SLC12A2: variants seen among roughly 807,000 people sequenced by gnomAD.
The protein encoded by SLC12A2 is solute carrier family 12 member 2, also known as Na-K-2Cl cotransporter 1.
SLC12A2 carries 67 observed loss-of-function variants against 136.3 expected under a neutral mutation model. The ratio of observed to expected loss-of-function variants is 0.49; its 90% CI spans 0.40 to 0.60. The LOEUF is 0.60. SLC12A2 is among the 20% of genes least tolerant of loss of function. SLC12A2 has a pLI of 0.00. For missense variants in SLC12A2, 1,322 were observed against 1,534.7 expected (o/e 0.86, Z 2.32); for synonymous variants, 619 against 562.9 (o/e 1.10, Z -1.41).
intron 22 of SLC12A2, 95 bp downstream of exon 22, chr5:128,178,784 CA>C: frequency 2.2e-6 from 2 of 923,246 alleles, no homozygotes; most frequent in South Asian, 3.1e-5. Context: ...GGACCCCATT[CA>C]AATTTTGCCA....
At position 128,088,571 on chromosome 5, in the gene SLC12A2, GTGTGTTTTACTATTT is replaced by G. The variant is rs951162658; in HGVS notation, c.756+3879_756+3893del. Among the ~76,000 whole-genome samples the G allele has an allele frequency of 1.5e-4, 23 of 152,154 alleles. No individual in the cohort carries two copies. In the East Asian group the frequency reaches 2.3e-3, roughly 15 times the overall value. On this transcript the variant is annotated intron_variant, in intron 1 of 26. Transcript: ENST00000262461. ...GTTTTTGTTTGTTTGTTTTTTGTGT[GTGTGTTTTACTATTT>G]TGTGTTTTACTATTTTGACTGCTAA...
chr5:128,138,638 G>C lies in SLC12A2; in HGVS notation c.1450G>C (p.Glu484Gln), dbSNP rs903124390. The C allele has an allele frequency of 6.8e-6, 11 of 1,613,194 alleles. No individual in the cohort carries two copies. The Middle Eastern group carries it at 4.9e-4, about 72-fold the overall frequency. Residue 484 changes from glutamate (E) to glutamine (Q), a missense_variant, in exon 8 of 27, where the codon GAA becomes CAA. Transcript: ENST00000262461. ...NENFGPDFRE[E>Q]ETFFSVFAIF... ...GAACTTTGGGCCCGATTTTCGAGAG[G>C]AAGAGACTTTCTTTTCTGTATTTGC...
At chr5:128,125,279 G>T (rs1031619049) in intron 4 of SLC12A2, among the ~76,000 whole-genome samples, 1 of 152,160 alleles carries the variant, frequency 6.6e-6, no homozygotes, top group Non-Finnish European at 1.5e-5. Flanking sequence ...CTGAATCTCA[G>T]CCTTACTGCG....
At chr5:128,110,732 T>C in intron 1 of SLC12A2, 1 of 1,456,418 alleles carries the variant, frequency 6.9e-7, no homozygotes, top group Non-Finnish European at 9.6e-7. Context: ...AAGAGCAACC[T>C]GAGCGATCTG....
At chr5:128,185,293 T>C (rs938757354) in intron 26 of SLC12A2, among the ~76,000 whole-genome samples, 1 of 152,186 alleles carries the variant, frequency 6.6e-6, no homozygotes, top group Non-Finnish European at 1.5e-5. Context: ...CCCATTCTTA[T>C]GTTTCCAACA....
chr5:128,100,281 G>A (rs1395362997), intron 1 of SLC12A2, among the ~76,000 whole-genome samples: 2 of 152,212 alleles, frequency 1.3e-5, no homozygotes, highest in East Asian at 3.9e-4. Flanking sequence ...TAGTTTGTGG[G>A]ACATCTAGGA....
chr5:128,105,908 A>AT (rs1165724688), intron 1 of SLC12A2, among the ~76,000 whole-genome samples: 4 of 152,034 alleles, frequency 2.6e-5, no homozygotes, highest in Non-Finnish European at 4.4e-5. Context: ...CCAGTCACAC[A>AT]TTTTTTAACT....
intron 25 of SLC12A2, 124 bp downstream of exon 25, chr5:128,184,625 T>G (rs1763811022): frequency 4.5e-5 from 60 of 1,329,450 alleles, no homozygotes; most frequent in Non-Finnish European, 5.6e-5. Context: ...TAGATTTATT[T>G]GAGGTTAGTG....
chr5:128,182,961 T>C lies in SLC12A2; in HGVS notation c.3299+20T>C, dbSNP rs1242639123. 2.0e-6 allele frequency: 3 copies of C among 1,505,300 alleles called. No homozygotes were observed. Among genetic ancestry groups the C allele is most frequent in the Non-Finnish European group, 2.8e-6 (3 of 1,087,510 alleles). The allele number at this position is 1,505,300 out of a possible 1,614,324, so 93.2% of individuals were successfully genotyped here. On this transcript the variant is annotated intron_variant, in intron 24 of 26. Coordinates refer to ENST00000262461, the MANE Select transcript of SLC12A2 (RefSeq NM_001046.3). ...AGAAAAGTAAGTTACTCTACAAATTTCTGATCCCTTTATAGATGGCCTACT... is the reference window on the plus strand; with the variant it reads ...AGAAAAGTAAGTTACTCTACAAATTCCTGATCCCTTTATAGATGGCCTACT...
intron 1 of SLC12A2, chr5:128,110,598 C>A: frequency 2.8e-6 from 3 of 1,087,164 alleles, no homozygotes; most frequent in Non-Finnish European, 4.3e-6. Flanking sequence ...TTGATGGCAT[C>A]GTAGCAGCTT....
At chr5:128,177,349 A>G (rs1763570352) in intron 21 of SLC12A2, among the ~76,000 whole-genome samples, 197 bp downstream of exon 21, 1 of 152,086 alleles carries the variant, frequency 6.6e-6, no homozygotes, top group Non-Finnish European at 1.5e-5. Flanking sequence ...GAGTTATATC[A>G]CAAATTCTTT....
chr5:128,183,021 T>C (rs560634031), intron 24 of SLC12A2, 80 bp downstream of exon 24: 2 of 853,498 alleles, frequency 2.3e-6, no homozygotes, highest in Non-Finnish European at 3.6e-6. Flanking sequence ...AACCCAGAGA[T>C]TTTTTTCCTG....
At chr5:128,125,631 G>A (rs950010515) in intron 4 of SLC12A2, among the ~76,000 whole-genome samples, 3 of 151,858 alleles carry the variant, frequency 2.0e-5, no homozygotes, top group Non-Finnish European at 2.9e-5. Flanking sequence ...TCTTAATCAT[G>A]TCTTTCAGTG....
At chr5:128,161,306 A>G (rs992274031) in intron 16 of SLC12A2, among the ~76,000 whole-genome samples, 1 of 152,238 alleles carries the variant, frequency 6.6e-6, no homozygotes, top group Non-Finnish European at 1.5e-5. Context: ...AAACAAAACT[A>G]GGGAAACTTT....
At chr5:128,099,259 C>A (rs879256505) in intron 1 of SLC12A2, among the ~76,000 whole-genome samples, 1 of 152,092 alleles carries the variant, frequency 6.6e-6, no homozygotes, top group Non-Finnish European at 1.5e-5. Context: ...ATCTGTACAG[C>A]ATGTTACTGT....
At chr5:128,118,486 A>G (rs909956635) in intron 4 of SLC12A2, among the ~76,000 whole-genome samples, 1 of 152,108 alleles carries the variant, frequency 6.6e-6, no homozygotes, top group African/African-American at 2.4e-5. Context: ...AACAAATCTC[A>G]TGTATTCTTT....
At position 128,140,422 on chromosome 5, in the gene SLC12A2, A is replaced by G. The variant is rs1762325334; in HGVS notation, c.1622-1408A>G. Among the ~76,000 whole-genome samples, 4 of 152,388 alleles carry G rather than the reference A, an allele frequency of 2.6e-5. No individual in the cohort carries two copies. The South Asian group carries it at 6.2e-4, about 24-fold the overall frequency. On this transcript the variant is annotated intron_variant, in intron 9 of 26. Transcript: ENST00000262461. ...CCTAGCAAAATATATGGGTTCCCCT[A>G]AAAGTTCCTAGCATGCTTCTATACA...
intron 15 of SLC12A2, among the ~76,000 whole-genome samples, chr5:128,155,736 A>G (rs1762852348): frequency 6.6e-6 from 1 of 152,152 alleles, no homozygotes; most frequent in African/African-American, 2.4e-5. Context: ...CGGCATTGGT[A>G]AGTGGAGCTT....
At chr5:128,125,384 GT>G (rs780740008) in intron 4 of SLC12A2, among the ~76,000 whole-genome samples, 1 of 152,158 alleles carries the variant, frequency 6.6e-6, no homozygotes, top group Admixed American at 6.5e-5. Context: ...GCAAGGAGGA[GT>G]TTGGGCTATT....
Sources: allele counts gnomAD v4.1 joint callset (sites outside exome capture counted in the v4.1 genomes callset), GRCh38; gene constraint gnomAD v4.1.1; transcripts MANE v1.5; gene names NCBI Gene and HGNC (gene_info 2026-07-23, HGNC 2026-07-21).